Variants in PCDHGB1 observed in about 807,000 individuals in gnomAD.
PCDHGB1 encodes protocadherin gamma-B1.
Under a neutral mutation model 56.6 loss-of-function variants are expected in PCDHGB1, and 34 were observed. The ratio of observed to expected loss-of-function variants is 0.60; its 90% CI spans 0.46 to 0.80. The LOEUF (loss-of-function observed/expected upper bound fraction) is 0.80, where lower values mean the gene tolerates loss of function less well. PCDHGB1 is among the 30% of genes least tolerant of loss of function. The pLI is 0.00. For synonymous variants in PCDHGB1, 561 were observed against 505.9 expected (o/e 1.11, Z -1.46); for missense variants, 1,278 against 1,204.6 (o/e 1.06, Z -0.90).
rs779459928 is a variant in PCDHGB1, at chr5:141,375,433, C to G, written c.2409+22764C>G. 39 of 1,613,898 alleles carry G rather than the reference C, an allele frequency of 2.4e-5. No homozygotes were observed. The South Asian group carries it at 4.3e-4, about 18-fold the overall frequency. ...TGGCAGACACCAACGACAACCCGCC[C>G]ACCTTCCCCCATTCATCCTACTCAG... On this transcript the variant is annotated intron_variant, in intron 1 of 3. Coordinates refer to ENST00000523390, the MANE Select transcript of PCDHGB1 (RefSeq NM_018922.3).
At chr5:141,373,933 A>G (rs1769964265) in intron 1 of PCDHGB1, 3 of 692,378 alleles carry the variant, frequency 4.3e-6, no homozygotes, top group South Asian at 3.7e-5. Context: ...ACGGGAAAGC[A>G]GGAAAGCTGT....
At chr5:141,462,035 C>T (rs35674654) in intron 1 of PCDHGB1, among the ~76,000 whole-genome samples, 14,886 of 152,176 alleles carry the variant, frequency 0.098, 964 homozygotes, top group Non-Finnish European at 0.14. Context: ...GTTGGTCAGG[C>T]GGGTCTTGAA....
chr5:141,400,483 C>T (rs748464990), intron 1 of PCDHGB1: 1 of 1,614,020 alleles, frequency 6.2e-7, no homozygotes, highest in South Asian at 1.1e-5. Flanking sequence ...GGCCTTATTT[C>T]CACTTTGTAA....
At chr5:141,439,524 A>T (rs774174912) in intron 1 of PCDHGB1, among the ~76,000 whole-genome samples, 2 of 152,114 alleles carry the variant, frequency 1.3e-5, no homozygotes, top group Admixed American at 6.5e-5. Flanking sequence ...AACTAACTCT[A>T]CAGAACGCTG....
intron 3 of PCDHGB1, among the ~76,000 whole-genome samples, chr5:141,508,957 C>T (rs1242113190): frequency 6.6e-6 from 1 of 151,976 alleles, no homozygotes; most frequent in Non-Finnish European, 1.5e-5. Context: ...GAAATGTCAG[C>T]GGAATGAAAG....
intron 1 of PCDHGB1, among the ~76,000 whole-genome samples, chr5:141,457,543 A>G (rs555448211): frequency 2.6e-5 from 4 of 152,346 alleles, no homozygotes; most frequent in African/African-American, 9.6e-5. Flanking sequence ...TTAATGACAA[A>G]TGTATGATAA....
intron 1 of PCDHGB1, chr5:141,384,826 G>C (rs750050142): frequency 6.2e-7 from 1 of 1,613,472 alleles, no homozygotes; most frequent in Non-Finnish European, 8.5e-7. Flanking sequence ...GCAGAGCCTC[G>C]TGGTGGCCGT....
rs78612001 is a variant in PCDHGB1 at position 141,432,435 on chromosome 5, C to A, written c.2410-62372C>A. ...TTCGTGCTGGACCAGAACGACAATG[C>A]GCCCGAGATCCTGTACCCCGCCCTC... On this transcript the variant is annotated intron_variant, in intron 1 of 3. Coordinates refer to ENST00000523390, the MANE Select transcript of PCDHGB1 (RefSeq NM_018922.3). The surrounding 1 kb of genome is among the most constrained non-coding windows in gnomAD (Gnocchi z 6.0). The A allele has an allele frequency of 0.027, 43,228 of 1,614,212 alleles. 830 individuals are homozygous for A. The highest frequency in any genetic ancestry group is 0.092 in the African/African-American group (6,903 of 75,054).
intron 1 of PCDHGB1, chr5:141,492,079 G>A (rs1400390407): frequency 4.1e-6 from 2 of 486,168 alleles, no homozygotes; most frequent in African/African-American, 2.0e-5. Context: ...CGCCGGCTCC[G>A]GCACGCTTCG....
intron 1 of PCDHGB1, chr5:141,394,120 C>T: frequency 5.0e-6 from 8 of 1,613,954 alleles, no homozygotes; most frequent in Non-Finnish European, 5.9e-6. Context: ...TCCACTGAAA[C>T]TCAAATCGCT....
intron 1 of PCDHGB1, chr5:141,360,729 CT>C: frequency 6.2e-7 from 1 of 1,614,004 alleles, no homozygotes; most frequent in Non-Finnish European, 8.5e-7. Context: ...TTCTAAAACA[CT>C]CTCTGGACAG....
rs182104750 is a variant in PCDHGB1 at position 141,376,315 on chromosome 5, A to C, written c.2409+23646A>C. 8.5e-4 allele frequency: 1,369 copies of C among 1,614,156 alleles called. 7 individuals are homozygous for C. The Middle Eastern group carries it at 0.016, about 18-fold the overall frequency. On this transcript the variant is annotated intron_variant, in intron 1 of 3. Coordinates refer to ENST00000523390, the MANE Select transcript of PCDHGB1 (RefSeq NM_018922.3). ...CCGGCTCGCACTTTGTGGGCGTGGA[A>C]GGGGTTCGGGCTTTCCTGCAGACCT...
intron 1 of PCDHGB1, among the ~76,000 whole-genome samples, chr5:141,354,267 C>T (rs1232000515): frequency 1.3e-5 from 2 of 152,070 alleles, no homozygotes; most frequent in Non-Finnish European, 1.5e-5. Flanking sequence ...TTAGGCTTTG[C>T]ATTTGAACTG....
chr5:141,410,078 G>T, intron 1 of PCDHGB1: 4 of 1,612,820 alleles, frequency 2.5e-6, no homozygotes, highest in East Asian at 2.2e-5. Flanking sequence ...CACTGGGGAG[G>T]TGCGCACGGC....
At chr5:141,398,416 G>A (rs2093654818) in intron 1 of PCDHGB1, 3 of 1,496,580 alleles carry the variant, frequency 2.0e-6, no homozygotes, top group South Asian at 1.1e-5. Flanking sequence ...GGAGATATGC[G>A]GGAAGAAGCC....
chr5:141,403,333 C>A (rs376895778), intron 1 of PCDHGB1: 1 of 1,613,984 alleles, frequency 6.2e-7, no homozygotes, highest in South Asian at 1.1e-5. Flanking sequence ...CTGATATTAA[C>A]GACAGCGCCC....
chr5:141,478,685 A>G, intron 1 of PCDHGB1: 3 of 1,551,308 alleles, frequency 1.9e-6, no homozygotes, highest in Non-Finnish European at 2.6e-6. Context: ...GGCCCTTCCT[A>G]GATCAAAGTT....
chr5:141,358,797 C>A (rs1198975953), intron 1 of PCDHGB1, among the ~76,000 whole-genome samples: 2 of 152,182 alleles, frequency 1.3e-5, no homozygotes, highest in Admixed American at 6.5e-5. Context: ...GGGTTCTGGA[C>A]TGATATGATT....
intron 1 of PCDHGB1, chr5:141,395,553 TG>T: frequency 1.2e-5 from 1 of 84,110 alleles, no homozygotes; most frequent in Non-Finnish European, 2.1e-5. Context: ...TGTGTGTGTG[TG>T]TGTGTGTGTG....
Sources: allele counts gnomAD v4.1 joint callset (sites outside exome capture counted in the v4.1 genomes callset), GRCh38; gene constraint gnomAD v4.1.1; non-coding constraint Gnocchi (gnomAD v3.1); transcripts MANE v1.5; gene names NCBI Gene and HGNC (gene_info 2026-07-23, HGNC 2026-07-21).